Variants in LRP2 observed in about 807,000 individuals in gnomAD.
LRP2 encodes LDL receptor related protein 2.
A neutral mutation model predicts 531.0 loss-of-function variants in LRP2; 172 were observed. The observed-to-expected ratio is 0.32, with a 90% CI of 0.29 to 0.37. The LOEUF is 0.37. Ranked by LOEUF, LRP2 falls within the 10% of genes least tolerant of loss-of-function variation. The pLI, the probability that LRP2 is intolerant of heterozygous loss-of-function variation, is 1.00. For missense variants in LRP2, 5,167 were observed against 5,868.3 expected (o/e 0.88, Z 3.90); for synonymous variants, 1,992 against 2,027.6 (o/e 0.98, Z 0.47).
At chr2:169,171,993 C>T in intron 58 of LRP2, 22 bp downstream of exon 58, 1 of 1,613,816 alleles carries the variant, frequency 6.2e-7, no homozygotes, top group Non-Finnish European at 8.5e-7. Context: ...TATATAAGGA[C>T]CATAGGACTG....
intron 47 of LRP2, among the ~76,000 whole-genome samples, chr2:169,193,392 C>T (rs1211374486): frequency 2.1e-5 from 3 of 144,888 alleles, no homozygotes; most frequent in Non-Finnish European, 3.0e-5. Context: ...GATACCGCCA[C>T]TGCACTCCAG....
At chr2:169,260,099 T>C (rs1690486184) in intron 16 of LRP2, among the ~76,000 whole-genome samples, 1 of 152,140 alleles carries the variant, frequency 6.6e-6, no homozygotes, top group Non-Finnish European at 1.5e-5. Flanking sequence ...GGCATTAGTA[T>C]CGTTCCTATT....
At chr2:169,198,139 C>T (rs1390105251) in intron 45 of LRP2, among the ~76,000 whole-genome samples, 2 of 152,152 alleles carry the variant, frequency 1.3e-5, no homozygotes, top group African/African-American at 2.4e-5. Flanking sequence ...ACTGGTCAGG[C>T]ACGGTGGCTC....
chr2:169,177,831 A>G lies in LRP2; in HGVS notation c.10365T>C (p.His3455=). Residue 3455 remains histidine, a synonymous_variant, in exon 53 of 79, where the codon CAT becomes CAC. Transcript: ENST00000649046. ...VNTTHRPFDI[H]VYHPYRQPIV... ...TGGGCTGCCTATATGGATGGTACAC[A>G]TGGATGTCAAATGGTCTGTGTGTTG... 4 of 1,614,224 alleles carry G rather than the reference A, an allele frequency of 2.5e-6. No individual in the cohort carries two copies. The highest frequency in any genetic ancestry group is 3.4e-6 in the Non-Finnish European group (4 of 1,180,030).
intron 21 of LRP2, 101 bp downstream of exon 21, chr2:169,246,604 T>C (rs981067956): frequency 2.2e-6 from 3 of 1,364,648 alleles, no homozygotes; most frequent in Non-Finnish European, 2.1e-6. Flanking sequence ...TTCTAAAAGA[T>C]ATTTTTCCCA....
chr2:169,202,438 T>C (rs975252001), intron 43 of LRP2, among the ~76,000 whole-genome samples: 1 of 152,228 alleles, frequency 6.6e-6, no homozygotes, highest in Non-Finnish European at 1.5e-5. Context: ...ATATTGTTTC[T>C]CTTACTCCTC....
intron 2 of LRP2, among the ~76,000 whole-genome samples, chr2:169,320,296 A>G (rs1177269963): frequency 6.6e-6 from 1 of 152,246 alleles, no homozygotes; most frequent in Admixed American, 6.5e-5. Flanking sequence ...TTTAAAAAAC[A>G]TAAATCACAC....
In LRP2 at chr2:169,176,438, G is replaced by A. The variant is rs766003477; in HGVS notation, c.10544C>T (p.Thr3515Ile). 7.4e-6 allele frequency: 12 copies of A among 1,614,202 alleles called. No homozygotes were observed. Among genetic ancestry groups the A allele is most frequent in the Non-Finnish European group, 1.0e-5 (12 of 1,180,042 alleles). ...TTCATTGTTAGCGCACAGGAACTGG[G>A]TGCTGGAGCACATGGGCATGCAGTA... ...STYCMPMCSS[T>I]QFLCANNEKC... The change falls in exon 54 of 79, where the codon ACC (threonine) becomes ATC (isoleucine). Residue 3515 changes from threonine to isoleucine, a missense_variant. This residue lies in a region of LRP2 where 311 missense variants were observed against 309.4 expected (regional missense o/e 1.01). Transcript: ENST00000649046.
At chr2:169,359,447 C>G (rs1686085140) in intron 1 of LRP2, among the ~76,000 whole-genome samples, 1 of 152,054 alleles carries the variant, frequency 6.6e-6, no homozygotes, top group South Asian at 2.1e-4. Flanking sequence ...ACTCAGAGCT[C>G]TTTTTTTTCC....
chr2:169,300,284 TA>T (rs1684255831), intron 4 of LRP2, among the ~76,000 whole-genome samples: 1 of 151,716 alleles, frequency 6.6e-6, no homozygotes, highest in African/African-American at 2.4e-5. Flanking sequence ...TAGAGCTGGG[TA>T]AAAGGTAAAG....
Position 169,289,211 on chromosome 2 carries a change from G to A in LRP2, c.923-66C>T, listed in dbSNP as rs553690353. The A allele has an allele frequency of 4.1e-5, 65 of 1,597,652 alleles. No homozygotes were observed. In the East Asian group the frequency reaches 1.5e-3, roughly 36 times the overall value. Reference sequence around the variant, plus strand: ...CTGGACAAGACTGATTAATCTAATAGCTTCTTTTTCCATGAGTAGCAGCTC... The same window carrying A: ...CTGGACAAGACTGATTAATCTAATAACTTCTTTTTCCATGAGTAGCAGCTC... On this transcript the variant is annotated intron_variant, in intron 8 of 78. Transcript: ENST00000649046.
At chr2:169,184,671 A>G (rs537760397) in intron 50 of LRP2, among the ~76,000 whole-genome samples, 1 of 152,344 alleles carries the variant, frequency 6.6e-6, no homozygotes, top group East Asian at 1.9e-4. Context: ...CATAAGGGCA[A>G]TCTCAAAACA....
intron 24 of LRP2, 105 bp from the exon 25 acceptor site, chr2:169,241,470 G>GT (rs1689803128): frequency 2.5e-6 from 3 of 1,219,426 alleles, no homozygotes; most frequent in Non-Finnish European, 3.6e-6. Context: ...TAGGTTTATA[G>GT]TAACAACTAT....
chr2:169,324,767 CTGTT>C (rs1685001269), intron 1 of LRP2, among the ~76,000 whole-genome samples: 1 of 152,012 alleles, frequency 6.6e-6, no homozygotes, highest in African/African-American at 2.4e-5. Flanking sequence ...AGTCATTTGC[CTGTT>C]TGTTTTCCAC....
At chr2:169,187,934 C>G (rs775637069) in intron 49 of LRP2, 36 bp downstream of exon 49, 1 of 1,608,260 alleles carries the variant, frequency 6.2e-7, no homozygotes. Context: ...TTCAGTCTCC[C>G]CTGTTTCCTT....
In LRP2 at chr2:169,275,091, C is replaced by T; in HGVS notation, c.1920G>A (p.Gln640=). 1 of 1,613,748 alleles carries T rather than the reference C, an allele frequency of 6.2e-7. No homozygotes were observed. The highest frequency in any genetic ancestry group is 8.5e-7 in the Non-Finnish European group (1 of 1,179,850). Residue 640 remains glutamine, a synonymous_variant, in exon 14 of 79, where the codon CAG becomes CAA. Transcript: ENST00000649046. Reference sequence around the variant, plus strand: ...TCACTCCATAGGGCCTCAGGGAAGCCTGGTAGTACACTTGTGGGTTGGTCT... The same window carrying T: ...TCACTCCATAGGGCCTCAGGGAAGCTTGGTAGTACACTTGTGGGTTGGTCT... ...FTETNPQVYY[Q]ASLRPYGVTV...
intron 68 of LRP2, among the ~76,000 whole-genome samples, chr2:169,149,615 T>C (rs1686049790): frequency 6.6e-6 from 1 of 152,016 alleles, no homozygotes; most frequent in South Asian, 2.1e-4. Flanking sequence ...GGCAGATGGA[T>C]CACCTGAGGT....
chr2:169,282,990 A>T lies in LRP2; in HGVS notation c.1054T>A (p.Cys352Ser). 6.2e-7 allele frequency: 1 copy of T among 1,614,080 alleles called. No individual in the cohort carries two copies. Among genetic ancestry groups the T allele is most frequent in the Non-Finnish European group, 8.5e-7 (1 of 1,179,960 alleles). Reference protein sequence around the residue: ...DSRTCVEFDDCQIWGICDQKC... With the variant: ...DSRTCVEFDDSQIWGICDQKC... Reference sequence around the variant, plus strand: ...TGGTCACAAATTCCCCATATCTGGCAATCATCAAACTCTGCCATATGGAAA... The same window carrying T: ...TGGTCACAAATTCCCCATATCTGGCTATCATCAAACTCTGCCATATGGAAA... Residue 352 changes from cysteine to serine, a missense_variant, in exon 10 of 79, where the codon TGC (cysteine) becomes AGC (serine). This residue lies in a region of LRP2 where 2,811 missense variants were observed against 3,058.0 expected (regional missense o/e 0.92). Coordinates refer to ENST00000649046, the MANE Select transcript of LRP2 (RefSeq NM_004525.3).
intron 70 of LRP2, among the ~76,000 whole-genome samples, chr2:169,143,515 G>A (rs1441222469): frequency 1.3e-5 from 2 of 152,190 alleles, no homozygotes; most frequent in Non-Finnish European, 2.9e-5. Context: ...GCGTGGTGGC[G>A]GGCACCTGTA....
Sources: allele counts gnomAD v4.1 joint callset (sites outside exome capture counted in the v4.1 genomes callset), GRCh38; gene constraint gnomAD v4.1.1; regional missense constraint gnomAD v4.1.1; transcripts MANE v1.5; gene names NCBI Gene and HGNC (gene_info 2026-07-23, HGNC 2026-07-21).